The following TSHZ2 variants were observed in gnomAD, a reference collection of about 807,000 sequenced individuals.
The protein encoded by TSHZ2 is teashirt homolog 2.
A neutral mutation model predicts 74.4 loss-of-function variants in TSHZ2; 21 were observed. The ratio of observed to expected loss-of-function variants is 0.28; its 90% CI spans 0.20 to 0.41. The LOEUF (loss-of-function observed/expected upper bound fraction) is 0.41. Ranked by LOEUF, TSHZ2 falls within the 10% of genes least tolerant of loss-of-function variation. The pLI, the probability that TSHZ2 is intolerant of heterozygous loss-of-function variation, is 1.00. For missense variants in TSHZ2, 1,244 were observed against 1,293.5 expected (o/e 0.96, Z 0.59); for synonymous variants, 540 against 515.3 (o/e 1.05, Z -0.65).
intron 1 of TSHZ2, among the ~76,000 whole-genome samples, chr20:53,026,387 C>T (rs184509846): frequency 1.3e-5 from 2 of 150,562 alleles, no homozygotes; most frequent in Admixed American, 1.3e-4. Flanking sequence ...AGGTCTCATT[C>T]TGTTGCCCAG....
chr20:53,357,572 T>TA (rs1980892378), intron 2 of TSHZ2, among the ~76,000 whole-genome samples: 1 of 152,126 alleles, frequency 6.6e-6, no homozygotes, highest in Non-Finnish European at 1.5e-5. Flanking sequence ...AGGCAAATAA[T>TA]AAAAAATGTG....
intron 2 of TSHZ2, among the ~76,000 whole-genome samples, chr20:53,448,439 A>C (rs1442598369): frequency 6.6e-6 from 1 of 152,184 alleles, no homozygotes; most frequent in Non-Finnish European, 1.5e-5. Flanking sequence ...ACTATCAGGG[A>C]GTCCTGAGGG....
At chr20:53,155,444 C>A (rs1987773097) in intron 1 of TSHZ2, among the ~76,000 whole-genome samples, 1 of 152,014 alleles carries the variant, frequency 6.6e-6, no homozygotes, top group Admixed American at 6.6e-5. Context: ...CCTCCTCCCA[C>A]CTGCCCATCC....
intron 2 of TSHZ2, among the ~76,000 whole-genome samples, chr20:53,467,776 G>A (rs1257342159): frequency 6.6e-6 from 1 of 152,164 alleles, no homozygotes; most frequent in Admixed American, 6.6e-5. Context: ...ATTTGACTCT[G>A]AGCTTCCTGG....
At chr20:53,225,193 G>C (rs1315811170) in intron 1 of TSHZ2, among the ~76,000 whole-genome samples, 1 of 152,206 alleles carries the variant, frequency 6.6e-6, no homozygotes, top group Non-Finnish European at 1.5e-5. Flanking sequence ...ACCATCTCCT[G>C]TTATTGACTT....
At chr20:53,118,334 G>C (rs1986723304) in intron 1 of TSHZ2, among the ~76,000 whole-genome samples, 1 of 152,130 alleles carries the variant, frequency 6.6e-6, no homozygotes. Flanking sequence ...GAAAATCCTA[G>C]TGTCTTATGT....
At chr20:53,217,948 T>G (rs1241178170) in intron 1 of TSHZ2, among the ~76,000 whole-genome samples, 1 of 152,212 alleles carries the variant, frequency 6.6e-6, no homozygotes, top group East Asian at 1.9e-4. Flanking sequence ...ACCTAGGCTT[T>G]CACATCCCAA....
chr20:53,175,365 C>T (rs1988312068), intron 1 of TSHZ2, among the ~76,000 whole-genome samples: 1 of 152,042 alleles, frequency 6.6e-6, no homozygotes, highest in African/African-American at 2.4e-5. Context: ...TGGTCTCTAA[C>T]TCCTGACCTC....
intron 2 of TSHZ2, among the ~76,000 whole-genome samples, chr20:53,356,116 G>A (rs936170630): frequency 2.0e-5 from 3 of 152,170 alleles, no homozygotes; most frequent in Non-Finnish European, 4.4e-5. Context: ...CGAAGACATT[G>A]AGAGATTTTA....
intron 2 of TSHZ2, among the ~76,000 whole-genome samples, chr20:53,379,771 GA>G (rs138285966): frequency 4.7e-5 from 7 of 150,264 alleles, no homozygotes; most frequent in East Asian, 2.0e-4. Flanking sequence ...GAGTCTATGG[GA>G]AAAAAAAATG....
chr20:53,007,737 C>CGTGTGTGT (rs35218931), intron 1 of TSHZ2, among the ~76,000 whole-genome samples: 1 of 147,982 alleles, frequency 6.8e-6, no homozygotes, highest in Non-Finnish European at 1.5e-5. Flanking sequence ...TATGTATATT[C>CGTGTGTGT]GTGTGTGTGT....
At chr20:53,171,796 T>C (rs1600723053) in intron 1 of TSHZ2, among the ~76,000 whole-genome samples, 4 of 152,312 alleles carry the variant, frequency 2.6e-5, no homozygotes, top group South Asian at 2.1e-4. Context: ...GTCTACTTCT[T>C]ATGACTATCA....
chr20:53,133,012 C>G (rs1472237214), intron 1 of TSHZ2, among the ~76,000 whole-genome samples: 1 of 152,120 alleles, frequency 6.6e-6, no homozygotes, highest in Non-Finnish European at 1.5e-5. Flanking sequence ...TCCCTGCTAG[C>G]ATTTGATTAA....
rs146888911 is a variant in TSHZ2, at chr20:53,255,451, G to A, written c.1993G>A (p.Glu665Lys). 37 of 1,611,014 alleles carry A rather than the reference G, an allele frequency of 2.3e-5. No homozygotes were observed. The highest frequency in any genetic ancestry group is 3.1e-5 in the Non-Finnish European group (37 of 1,179,920). ...EKLMKEGSEK[E>K]KPQPLEPTSA... ...GCTGATGAAAGAGGGCAGCGAGAAG[G>A]AGAAACCCCAGCCCCTGGAGCCCAC... Residue 665 changes from glutamate (E) to lysine (K), a missense_variant, in exon 2 of 3, where the codon GAG becomes AAG. Transcript: ENST00000371497. The surrounding 1 kb of genome is among the most constrained non-coding windows in gnomAD (Gnocchi z 4.1).
At chr20:53,063,338 T>G (rs528185237) in intron 1 of TSHZ2, among the ~76,000 whole-genome samples, 1 of 152,300 alleles carries the variant, frequency 6.6e-6, no homozygotes. Flanking sequence ...TCCAGTACTG[T>G]AAAATACTCT....
intron 1 of TSHZ2, among the ~76,000 whole-genome samples, chr20:53,030,351 T>TA (rs58895342): frequency 0.012 from 1,682 of 146,154 alleles, 85 homozygotes; most frequent in Admixed American, 0.091. Flanking sequence ...AGCACTGACT[T>TA]AAAAAAAAAA....
At chr20:53,118,414 GA>G (rs201634016) in intron 1 of TSHZ2, among the ~76,000 whole-genome samples, 5 of 150,608 alleles carry the variant, frequency 3.3e-5, no homozygotes, top group Non-Finnish European at 7.4e-5. Flanking sequence ...AGAGGTCTCA[GA>G]AAAAAAAATA....
intron 1 of TSHZ2, among the ~76,000 whole-genome samples, chr20:53,250,401 T>C (rs984757497): frequency 3.9e-5 from 6 of 152,186 alleles, no homozygotes; most frequent in African/African-American, 1.4e-4. Context: ...TCTGGCTGCC[T>C]TTCCTCTCTT....
At chr20:53,231,697 C>T (rs1292721551) in intron 1 of TSHZ2, among the ~76,000 whole-genome samples, 1 of 152,132 alleles carries the variant, frequency 6.6e-6, no homozygotes, top group African/African-American at 2.4e-5. Flanking sequence ...ACCCAACCCA[C>T]AAGGAAAGGA....
Sources: allele counts gnomAD v4.1 joint callset (sites outside exome capture counted in the v4.1 genomes callset), GRCh38; gene constraint gnomAD v4.1.1; non-coding constraint Gnocchi (gnomAD v3.1); transcripts MANE v1.5; gene names NCBI Gene and HGNC (gene_info 2026-07-23, HGNC 2026-07-21).